The following BEX5 variants were observed in gnomAD, a reference collection of about 807,000 sequenced individuals.
The protein encoded by BEX5 is brain expressed X-linked 5, also known as protein BEX5.
A neutral mutation model predicts 1.4 loss-of-function variants in BEX5; 2 were observed. That is an observed-to-expected ratio of 1.42 (90% CI 0.58 to 4.47). The LOEUF (loss-of-function observed/expected upper bound fraction) is 4.47. Among genes scored for constraint, BEX5 ranks in the 30% most tolerant of loss-of-function variants. BEX5 has a pLI of 0.06. For missense variants in BEX5, 97 were observed against 87.3 expected, an observed-to-expected ratio of 1.11 and a Z score of -0.44; for synonymous variants, 32 against 30.0, an observed-to-expected ratio of 1.07 and a Z score of -0.21.
At position 102,153,848 on chromosome X, in the gene BEX5, T is replaced by A; in HGVS notation, c.*82A>T. On this transcript the variant is annotated 3_prime_UTR_variant, in exon 3 of 3. Transcript: ENST00000333643. ...CTCCAATCAGAAAATTGCAGAAGAATGCCAAAAGGTTCACATTAAAGGTAC... is the reference window on the plus strand; with the variant it reads ...CTCCAATCAGAAAATTGCAGAAGAAAGCCAAAAGGTTCACATTAAAGGTAC... 1 of 868,463 alleles carries A rather than the reference T, an allele frequency of 1.2e-6. No individual in the cohort carries two copies. 71.6% of individuals were successfully genotyped at this position (868,463 alleles called of 1,213,427 possible).
In BEX5 at chrX:102,154,082, C is replaced by T; in HGVS notation, c.184G>A (p.Asp62Asn). 8.3e-7 allele frequency: 1 copy of T among 1,210,618 alleles called. No individual in the cohort carries two copies. The highest frequency in any genetic ancestry group is 1.1e-6 in the Non-Finnish European group (1 of 895,323). ...NRLVDNIDMI[D>N]GDGDDMERFM... ...CGTTCCATATCATCTCCATCTCCAT[C>T]TATCATATCAATGTTATCGACAAGC... The change falls in exon 3 of 3, where the codon GAT (aspartate) becomes AAT (asparagine). Residue 62 changes from aspartate to asparagine, a missense_variant. Coordinates refer to ENST00000333643, the MANE Select transcript of BEX5 (RefSeq NM_001012978.3).
chrX:102,154,351 G>C, intron 2 of BEX5, 49 bp from the exon 3 acceptor site: 1 of 892,830 alleles, frequency 1.1e-6, no homozygotes, highest in South Asian at 2.8e-5. Context: ...ATAGGATTCA[G>C]AGCTCTGTTT....
At position 102,153,910 on chromosome X, in the gene BEX5, A is replaced by T. The variant is rs1381616831; in HGVS notation, c.*20T>A. 4 of 1,142,198 alleles carry T rather than the reference A, an allele frequency of 3.5e-6. No individual in the cohort carries two copies. Among genetic ancestry groups the T allele is most frequent in the East Asian group, 6.1e-5 (2 of 32,729 alleles). 94.1% of individuals were successfully genotyped at this position (1,142,198 alleles called of 1,213,427 possible). On this transcript the variant is annotated 3_prime_UTR_variant, in exon 3 of 3. Coordinates refer to ENST00000333643, the MANE Select transcript of BEX5 (RefSeq NM_001012978.3). ...TGCGAATTTAGAAAGCAGGGATTTT[A>T]TGATTATTAACCTCAAGATTCAAGG... is the stretch of plus-strand genomic sequence containing the variant.
At position 102,153,746 on chromosome X, in the gene BEX5, C is replaced by A; in HGVS notation, c.*184G>T. 2.4e-6 allele frequency: 1 copy of A among 416,928 alleles called. No homozygotes were observed. The highest frequency in any genetic ancestry group is 4.1e-6 in the Non-Finnish European group (1 of 244,537). 34.4% of individuals were successfully genotyped at this position (416,928 alleles called of 1,213,427 possible). Reference sequence around the variant, plus strand: ...ATTGCTTTATTAACTTTACAGTATGCAATAAACATCTTTCCATGAAAGTTG... The same window carrying A: ...ATTGCTTTATTAACTTTACAGTATGAAATAAACATCTTTCCATGAAAGTTG... On this transcript the variant is annotated 3_prime_UTR_variant, in exon 3 of 3. Coordinates refer to ENST00000333643, the MANE Select transcript of BEX5 (RefSeq NM_001012978.3).
Position 102,153,805 on chromosome X carries a change from A to T in BEX5, c.*125T>A, listed in dbSNP as rs1400114916. 6 of 574,834 alleles carry T rather than the reference A, an allele frequency of 1.0e-5. No homozygotes were observed. The highest frequency in any genetic ancestry group is 1.6e-5 in the Non-Finnish European group (6 of 367,559). The allele number at this position is 574,834 out of a possible 1,213,427, so 47.4% of individuals were successfully genotyped here. ...CCTCTTCTGACAGAAAAACTTACAG[A>T]CTAGGTCAAAATGCAATCTCCAATC... is the stretch of plus-strand genomic sequence containing the variant. On this transcript the variant is annotated 3_prime_UTR_variant, in exon 3 of 3. Transcript: ENST00000333643.
At position 102,154,101 on chromosome X, in the gene BEX5, G is replaced by T. The variant is rs781951437; in HGVS notation, c.165C>A (p.Val55=). The change falls in exon 3 of 3, where the codon GTC becomes GTA. Residue 55 remains valine, a synonymous_variant. Coordinates refer to ENST00000333643, the MANE Select transcript of BEX5 (RefSeq NM_001012978.3). ...CTCCATCTATCATATCAATGTTATC[G>T]ACAAGCCTATTGGGCACATCCTCTC... ...GFGEDVPNRL[V]DNIDMIDGDG... 8.3e-7 allele frequency: 1 copy of T among 1,209,801 alleles called. No individual in the cohort carries two copies. Among genetic ancestry groups the T allele is most frequent in the South Asian group, 1.8e-5 (1 of 56,832 alleles).
rs374150982 is a variant in BEX5 at position 102,154,285 on chromosome X, T to G, written c.-20A>C. ...TTCCATGTTGAGTTTTTTTCCTGTT[T>G]TTTTTTTTTTTTTCTTCCTAGAAGA... is the stretch of plus-strand genomic sequence containing the variant. On this transcript the variant is annotated 5_prime_UTR_variant, in exon 3 of 3. Coordinates refer to ENST00000333643, the MANE Select transcript of BEX5 (RefSeq NM_001012978.3). The G allele has an allele frequency of 9.8e-7, 1 of 1,023,463 alleles. No individual in the cohort carries two copies. Among genetic ancestry groups the G allele is most frequent in the East Asian group, 3.3e-5 (1 of 30,169 alleles). The allele number at this position is 1,023,463 out of a possible 1,213,427, so 84.3% of individuals were successfully genotyped here.
At chrX:102,154,511 C>T (rs1933228432) in intron 2 of BEX5, among the ~76,000 whole-genome samples, 1 of 108,953 alleles carries the variant, frequency 9.2e-6, no homozygotes, top group African/African-American at 3.4e-5. Flanking sequence ...CGGAGGGGGA[C>T]GATCATAGAG....
chrX:102,154,271 G>A lies in BEX5; in HGVS notation c.-6C>T, dbSNP rs1556369765. 1 of 1,060,582 alleles carries A rather than the reference G, an allele frequency of 9.4e-7. No individual in the cohort carries two copies. Among genetic ancestry groups the A allele is most frequent in the Non-Finnish European group, 1.2e-6 (1 of 800,257 alleles). The allele number at this position is 1,060,582 out of a possible 1,213,427, so 87.4% of individuals were successfully genotyped here. A position where few individuals can be genotyped will look rare whatever the true frequency, so the allele number is the denominator to read the frequency against. On this transcript the variant is annotated 5_prime_UTR_variant, in exon 3 of 3. Transcript: ENST00000333643. ...TCCTTGGGGACATTTTCCATGTTGAGTTTTTTTCCTGTTTTTTTTTTTTTT... is the reference window on the plus strand; with the variant it reads ...TCCTTGGGGACATTTTCCATGTTGAATTTTTTTCCTGTTTTTTTTTTTTTT...
At position 102,154,099 on chromosome X, in the gene BEX5, T is replaced by C. The variant is rs1293969870; in HGVS notation, c.167A>G (p.Asp56Gly). Residue 56 changes from aspartate (D) to glycine (G), a missense_variant, in exon 3 of 3, where the codon GAT (aspartate) becomes GGT (glycine). Asp to Gly is a moderately conservative substitution (Grantham distance 94). Coordinates refer to ENST00000333643, the MANE Select transcript of BEX5 (RefSeq NM_001012978.3). ...ATCTCCATCTATCATATCAATGTTA[T>C]CGACAAGCCTATTGGGCACATCCTC... ...FGEDVPNRLV[D>G]NIDMIDGDGD... 13 of 1,207,335 alleles carry C rather than the reference T, an allele frequency of 1.1e-5. No individual in the cohort carries two copies. Among genetic ancestry groups the C allele is most frequent in the Middle Eastern group, 2.3e-4 (1 of 4,374 alleles).
chrX:102,154,402 A>T, intron 2 of BEX5, 100 bp from the exon 3 acceptor site: 2 of 551,904 alleles, frequency 3.6e-6, no homozygotes, highest in Non-Finnish European at 5.5e-6. Flanking sequence ...TGAACCCTGT[A>T]GGGGGCGCCC....
At chrX:102,154,722 AG>A (rs1190587216) in intron 2 of BEX5, 21 bp downstream of exon 2, 3 of 113,922 alleles carry the variant, frequency 2.6e-5, no homozygotes, top group African/African-American at 6.5e-5. Context: ...CCTACACCAG[AG>A]GGCCCCAGGC....
rs1933247539 is a variant in BEX5 at position 102,155,931 on chromosome X, C to T, written c.-177G>A. On this transcript the variant is annotated 5_prime_UTR_variant, in exon 1 of 3. Coordinates refer to ENST00000333643, the MANE Select transcript of BEX5 (RefSeq NM_001012978.3). The stretch of plus-strand genomic sequence containing the variant: ...GCAGCTGGCTCGCCTGCCTTCAGGG[C>T]AACAGCGAGCCGTCACACGGCCAGC... 1 of 112,626 alleles carries T rather than the reference C, an allele frequency of 8.9e-6. No individual in the cohort carries two copies. The highest frequency in any genetic ancestry group is 3.2e-5 in the African/African-American group (1 of 30,933). The allele number at this position is 112,626 out of a possible 1,213,427, so 9.3% of individuals were successfully genotyped here.
In BEX5 at chrX:102,154,081, T is replaced by C. The variant is rs1556369634; in HGVS notation, c.185A>G (p.Asp62Gly). ...NRLVDNIDMI[D>G]GDGDDMERFM... Reference sequence around the variant, plus strand: ...CCGTTCCATATCATCTCCATCTCCATCTATCATATCAATGTTATCGACAAG... The same window carrying C: ...CCGTTCCATATCATCTCCATCTCCACCTATCATATCAATGTTATCGACAAG... Residue 62 changes from aspartate (D) to glycine (G), a missense_variant, in exon 3 of 3, where the codon GAT becomes GGT. Physicochemically the swap from Asp to Gly is moderately conservative, Grantham distance 94. Transcript: ENST00000333643. 1.7e-6 allele frequency: 2 copies of C among 1,207,132 alleles called. No individual in the cohort carries two copies. The highest frequency in any genetic ancestry group is 1.8e-5 in the African/African-American group (1 of 56,202).
rs1556369814 is a variant in BEX5, at chrX:102,154,312, A to C, written c.-37-10T>G. The C allele has an allele frequency of 2.1e-5, 22 of 1,046,973 alleles. No homozygotes were observed. The highest frequency in any genetic ancestry group is 2.6e-5 in the Non-Finnish European group (20 of 783,080). The allele number at this position is 1,046,973 out of a possible 1,213,427, so 86.3% of individuals were successfully genotyped here. A position where few individuals can be genotyped will look rare whatever the true frequency, so the allele number is the denominator to read the frequency against. ...TTTTTTTTTTTTCTTCCTAGAAGAT[A>C]AAAAGCAAGAAGAGGGAATGAATGC... is the stretch of plus-strand genomic sequence containing the variant. On this transcript the variant is annotated splice_polypyrimidine_tract_variant and intron_variant, in intron 2 of 2. Coordinates refer to ENST00000333643, the MANE Select transcript of BEX5 (RefSeq NM_001012978.3).
chrX:102,154,337 C>T lies in BEX5; in HGVS notation c.-37-35G>A, dbSNP rs185150130. ...AAAAAGCAAGAAGAGGGAATGAATG[C>T]TTGATAGGATTCAGAGCTCTGTTTG... On this transcript the variant is annotated intron_variant, in intron 2 of 2. Coordinates refer to ENST00000333643, the MANE Select transcript of BEX5 (RefSeq NM_001012978.3). 2.1e-4 allele frequency: 198 copies of T among 943,541 alleles called. 2 individuals carry two copies. The East Asian group carries it at 6.2e-3, about 30-fold the overall frequency. The allele number at this position is 943,541 out of a possible 1,213,427, so 77.8% of individuals were successfully genotyped here.
chrX:102,154,809 A>G lies in BEX5; in HGVS notation c.-103T>C, dbSNP rs1933232567. On this transcript the variant is annotated splice_region_variant and 5_prime_UTR_variant, in exon 2 of 3. Transcript: ENST00000333643. ...ATCGGCTGCACAAACGCACTTAAAG[A>G]CCTGCAGACAAATGTGACAATTACC... The G allele has an allele frequency of 1.8e-5, 2 of 111,456 alleles. 1 individual carries two copies. Among genetic ancestry groups the G allele is most frequent in the South Asian group, 7.8e-4 (2 of 2,576 alleles). The allele number at this position is 111,456 out of a possible 1,213,427, so 9.2% of individuals were successfully genotyped here. A position where few individuals can be genotyped will look rare whatever the true frequency, so the allele number is the denominator to read the frequency against.
chrX:102,154,076 C>A lies in BEX5; in HGVS notation c.190G>T (p.Asp64Tyr), dbSNP rs782247322. The A allele has an allele frequency of 1.7e-6, 2 of 1,210,496 alleles. No individual in the cohort carries two copies. The highest frequency in any genetic ancestry group is 4.4e-5 in the Admixed American group (2 of 45,879). Residue 64 changes from aspartate (D) to tyrosine (Y), a missense_variant, in exon 3 of 3, where the codon GAT (aspartate) becomes TAT (tyrosine). By Grantham distance (160) the Asp-to-Tyr change is radical. Transcript: ENST00000333643. ...ATGAACCGTTCCATATCATCTCCATCTCCATCTATCATATCAATGTTATCG... is the reference window on the plus strand; with the variant it reads ...ATGAACCGTTCCATATCATCTCCATATCCATCTATCATATCAATGTTATCG... ...LVDNIDMIDG[D>Y]GDDMERFMEE...
At chrX:102,154,408 C>A (rs1262527444) in intron 2 of BEX5, 106 bp from the exon 3 acceptor site, 3 of 492,143 alleles carry the variant, frequency 6.1e-6, no homozygotes, top group Non-Finnish European at 9.5e-6. Context: ...CTGTAGGGGG[C>A]GCCCCAGACC....
Sources: gnomAD v4.1 joint callset for allele counts (sites outside exome capture counted in the v4.1 genomes callset) on GRCh38, gnomAD v4.1.1 for gene constraint, MANE v1.5 for transcripts, NCBI Gene and HGNC (gene_info 2026-07-23, HGNC 2026-07-21) for gene names.